The following RBFOX1 variants were observed in gnomAD, a reference collection of about 807,000 sequenced individuals.
RBFOX1 encodes the protein RNA binding protein fox-1 homolog 1.
In RBFOX1, 8 loss-of-function variants were observed where a neutral mutation model predicts 57.7. That is an observed-to-expected ratio of 0.14 (90% CI 0.08 to 0.25). The LOEUF (loss-of-function observed/expected upper bound fraction) is 0.25. Ranked by LOEUF, RBFOX1 falls within the 10% of genes least tolerant of loss-of-function variation. The probability of loss-of-function intolerance (pLI) is 1.00; values close to 1 mark genes in which losing one functional copy is unlikely to be tolerated. For missense variants in RBFOX1, 611 were observed against 548.5 expected (o/e 1.11, Z -1.14); for synonymous variants, 326 against 222.4 (o/e 1.47, Z -4.15).
At chr16:6,035,107 A>T (rs533539944) in intron 1 of RBFOX1, among the ~76,000 whole-genome samples, 1 of 152,284 alleles carries the variant, frequency 6.6e-6, no homozygotes, top group Non-Finnish European at 1.5e-5. Context: ...TACCTGCTAG[A>T]TGTTAGTAGC....
At chr16:7,531,257 G>A (rs1238811445) in intron 5 of RBFOX1, among the ~76,000 whole-genome samples, 1 of 152,166 alleles carries the variant, frequency 6.6e-6, no homozygotes, top group African/African-American at 2.4e-5. Context: ...ACATCAAATA[G>A]AAACTTCTTG....
intron 4 of RBFOX1, among the ~76,000 whole-genome samples, chr16:7,167,915 C>T (rs142616671): frequency 6.6e-6 from 1 of 152,228 alleles, no homozygotes; most frequent in African/African-American, 2.4e-5. Flanking sequence ...AATTTATGTG[C>T]TTGTCTGGGG....
intron 3 of RBFOX1, among the ~76,000 whole-genome samples, chr16:5,664,948 CT>C (rs35998497): frequency 1.9e-4 from 28 of 146,826 alleles, no homozygotes; most frequent in Middle Eastern, 3.5e-3. Context: ...TATCTCTGCT[CT>C]TTTTTTTTTT....
chr16:6,420,658 G>A (rs953916495), intron 2 of RBFOX1, among the ~76,000 whole-genome samples: 2 of 152,238 alleles, frequency 1.3e-5, no homozygotes, highest in South Asian at 2.1e-4. Flanking sequence ...TAGTGTATTG[G>A]TGTTTGCTCA....
Position 7,617,350 on chromosome 16 carries a change from T to G in RBFOX1, c.676+10012T>G, listed in dbSNP as rs1423786623. Among the ~76,000 whole-genome samples, 4 of 152,204 alleles carry G rather than the reference T, an allele frequency of 2.6e-5. No homozygotes were observed. The East Asian group carries it at 7.7e-4, about 29-fold the overall frequency. On this transcript the variant is annotated intron_variant, in intron 10 of 15. Coordinates refer to ENST00000550418, the MANE Select transcript of RBFOX1 (RefSeq NM_018723.4). ...ACGTGGAAATTTAGATTTTATACAA[T>G]TTTCATGTGTCACAAAATAGTTGTT...
chr16:5,462,617 T>C (rs1450426993), intron 1 of RBFOX1, among the ~76,000 whole-genome samples: 1 of 152,168 alleles, frequency 6.6e-6, no homozygotes. Flanking sequence ...AAAAATGTGG[T>C]ATTTTTAGGA....
At chr16:6,637,531 A>G (rs2098455054) in intron 2 of RBFOX1, among the ~76,000 whole-genome samples, 2 of 47,766 alleles carry the variant, frequency 4.2e-5, no homozygotes, top group Admixed American at 6.8e-4. Context: ...AATATTCTGT[A>G]TAGTATATAC....
chr16:6,412,038 A>G (rs2093473133), intron 2 of RBFOX1, among the ~76,000 whole-genome samples: 1 of 151,870 alleles, frequency 6.6e-6, no homozygotes, highest in Non-Finnish European at 1.5e-5. Flanking sequence ...AGGCTGAGGC[A>G]GGAAAATTGC....
At chr16:5,900,852 C>A (rs1299194261) in intron 4 of RBFOX1, among the ~76,000 whole-genome samples, 1 of 152,146 alleles carries the variant, frequency 6.6e-6, no homozygotes, top group Non-Finnish European at 1.5e-5. Context: ...CCTCCCGGCC[C>A]CAGAGCCCCT....
intron 2 of RBFOX1, among the ~76,000 whole-genome samples, chr16:6,584,926 GA>G (rs1231181559): frequency 6.6e-6 from 1 of 152,172 alleles, no homozygotes; most frequent in Non-Finnish European, 1.5e-5. Context: ...GACCTGCGTT[GA>G]AAACCAGTGA....
chr16:5,260,307 T>A (rs895475781), intron 1 of RBFOX1, among the ~76,000 whole-genome samples: 37 of 152,164 alleles, frequency 2.4e-4, no homozygotes, highest in African/African-American at 7.7e-4. Context: ...TCACCCCAAA[T>A]CTCACGACCC....
At chr16:6,447,058 A>G (rs1176057325) in intron 2 of RBFOX1, among the ~76,000 whole-genome samples, 1 of 152,226 alleles carries the variant, frequency 6.6e-6, no homozygotes, top group Non-Finnish European at 1.5e-5. Flanking sequence ...AACGCAAGTC[A>G]CATTCCTTTT....
chr16:6,799,705 T>G (rs1422683254), intron 3 of RBFOX1, among the ~76,000 whole-genome samples: 1 of 152,120 alleles, frequency 6.6e-6, no homozygotes, highest in Non-Finnish European at 1.5e-5. Context: ...TCTTCCACCT[T>G]TCGTCTTTCT....
At chr16:7,108,022 G>A (rs536376540) in intron 4 of RBFOX1, among the ~76,000 whole-genome samples, 3 of 151,258 alleles carry the variant, frequency 2.0e-5, no homozygotes, top group East Asian at 2.0e-4. Context: ...CATAAGATTG[G>A]GGGGGAGAGG....
intron 4 of RBFOX1, among the ~76,000 whole-genome samples, chr16:7,259,249 A>G (rs1463973321): frequency 1.3e-5 from 2 of 152,202 alleles, no homozygotes; most frequent in African/African-American, 4.8e-5. Context: ...TGAAGGAAGG[A>G]AGGCTTTCGC....
At chr16:6,709,070 A>G (rs934085978) in intron 3 of RBFOX1, among the ~76,000 whole-genome samples, 1 of 152,160 alleles carries the variant, frequency 6.6e-6, no homozygotes, top group Non-Finnish European at 1.5e-5. Flanking sequence ...TCATCACCAT[A>G]TATCTCAAGC....
rs555695686 is a variant in RBFOX1 at position 6,960,863 on chromosome 16, G to C, written c.-15-91194G>C. Among the ~76,000 whole-genome samples the C allele has an allele frequency of 4.0e-5, 6 of 151,792 alleles. No individual in the cohort carries two copies. In the East Asian group the frequency reaches 7.8e-4, roughly 20 times the overall value. ...ATTAAATGCCTCAGGTCCGGGTGCA[G>C]TGGCTCACATCTGTAATCCCAGCAC... On this transcript the variant is annotated intron_variant, in intron 3 of 15. Transcript: ENST00000550418.
rs1413288003 is a variant in RBFOX1 at position 6,981,799 on chromosome 16, C to T, written c.-15-70258C>T. Reference sequence around the variant, plus strand: ...CCAGGACATGTGGGAATTGTCAGAGCTACCAGTCAAGATGAGATTGGGGTG... The same window carrying T: ...CCAGGACATGTGGGAATTGTCAGAGTTACCAGTCAAGATGAGATTGGGGTG... On this transcript the variant is annotated intron_variant, in intron 3 of 15. Transcript: ENST00000550418. Among the ~76,000 whole-genome samples the T allele has an allele frequency of 2.6e-5, 4 of 152,148 alleles. No homozygotes were observed. In the South Asian group the frequency reaches 6.2e-4, roughly 24 times the overall value.
At chr16:5,626,696 C>A (rs559720322) in intron 3 of RBFOX1, among the ~76,000 whole-genome samples, 1 of 152,058 alleles carries the variant, frequency 6.6e-6, no homozygotes, top group Admixed American at 6.5e-5. Context: ...TGGTTATACT[C>A]CCGTGCTTTG....
Sources: allele counts gnomAD v4.1 joint callset (sites outside exome capture counted in the v4.1 genomes callset), GRCh38; gene constraint gnomAD v4.1.1; transcripts MANE v1.5; gene names NCBI Gene and HGNC (gene_info 2026-07-23, HGNC 2026-07-21).